Variants in PPM1D observed in about 807,000 individuals in gnomAD.
The protein encoded by PPM1D is protein phosphatase 1D.
Under a neutral mutation model 58.3 loss-of-function variants are expected in PPM1D, and 52 were observed. The observed-to-expected ratio is 0.89, with a 90% CI of 0.71 to 1.12. The LOEUF (loss-of-function observed/expected upper bound fraction) is 1.12, where lower values mean the gene tolerates loss of function less well. Ranked by LOEUF, PPM1D falls within the 50% of genes most tolerant of loss-of-function variation. The pLI, the probability that PPM1D is intolerant of heterozygous loss-of-function variation, is 0.00. For missense variants in PPM1D, 564 were observed against 777.2 expected (o/e 0.73, Z 3.26); for synonymous variants, 278 against 285.1 (o/e 0.98, Z 0.25).
In PPM1D at chr17:60,601,026, C is replaced by T. The variant is rs2030198110; in HGVS notation, c.472+140C>T. 5 of 1,287,484 alleles carry T rather than the reference C, an allele frequency of 3.9e-6. No homozygotes were observed. The South Asian group carries it at 7.4e-5, about 19-fold the overall frequency. The allele number at this position is 1,287,484 out of a possible 1,614,324, so 79.8% of individuals were successfully genotyped here. Reference sequence around the variant, plus strand: ...TGGAAGTGACTAAAAGCTGTAATAGCGCTTTGCTGGGTGGAGGTCCGGGCA... The same window carrying T: ...TGGAAGTGACTAAAAGCTGTAATAGTGCTTTGCTGGGTGGAGGTCCGGGCA... On this transcript the variant is annotated intron_variant, in intron 1 of 5. Transcript: ENST00000305921.
intron 3 of PPM1D, among the ~76,000 whole-genome samples, chr17:60,645,498 G>GTATATA (rs372803601): frequency 7.7e-6 from 1 of 130,220 alleles, no homozygotes; most frequent in Non-Finnish European, 1.6e-5. Context: ...GTGTGTATGT[G>GTATATA]TATATATATA....
At chr17:60,609,609 G>C (rs2030412426) in intron 1 of PPM1D, among the ~76,000 whole-genome samples, 1 of 152,130 alleles carries the variant, frequency 6.6e-6, no homozygotes, top group Admixed American at 6.6e-5. Context: ...AGCCCTGGAT[G>C]TTAATCATTT....
intron 3 of PPM1D, among the ~76,000 whole-genome samples, chr17:60,645,495 T>TA (rs1491098416): frequency 1.4e-5 from 2 of 140,220 alleles, no homozygotes; most frequent in African/African-American, 5.6e-5. Context: ...TGTGTGTGTA[T>TA]GTGTATATAT....
At chr17:60,661,219 C>CAAAAAAAA in intron 5 of PPM1D, among the ~76,000 whole-genome samples, 1 of 48,980 alleles carries the variant, frequency 2.0e-5, no homozygotes, top group African/African-American at 5.9e-5. Context: ...AACTCCATCT[C>CAAAAAAAA]AAAAAAAAAA....
intron 4 of PPM1D, among the ~76,000 whole-genome samples, chr17:60,649,802 T>C (rs996413232): frequency 4.6e-5 from 7 of 152,198 alleles, no homozygotes; most frequent in Non-Finnish European, 5.9e-5. Context: ...CATATTATTA[T>C]AAATAGAATA....
At chr17:60,639,350 G>A (rs942302614) in intron 3 of PPM1D, among the ~76,000 whole-genome samples, 3 of 152,106 alleles carry the variant, frequency 2.0e-5, no homozygotes, top group African/African-American at 7.2e-5. Flanking sequence ...AACCTCAGGT[G>A]ATCTACCCGC....
chr17:60,642,413 T>A (rs1034800486), intron 3 of PPM1D, among the ~76,000 whole-genome samples: 1 of 150,826 alleles, frequency 6.6e-6, no homozygotes, highest in Non-Finnish European at 1.5e-5. Context: ...GAACGATTTG[T>A]GAATTGGGTA....
intron 4 of PPM1D, among the ~76,000 whole-genome samples, chr17:60,649,716 C>T (rs1285499055): frequency 6.6e-6 from 1 of 152,038 alleles, no homozygotes; most frequent in Non-Finnish European, 1.5e-5. Context: ...TCCATTCATT[C>T]ACTCAATTAA....
intron 2 of PPM1D, among the ~76,000 whole-genome samples, chr17:60,630,749 C>T (rs928644347): frequency 3.3e-5 from 5 of 152,264 alleles, no homozygotes; most frequent in Admixed American, 6.5e-5. Context: ...TATTAAGTGT[C>T]GAGAGAGCTG....
intron 1 of PPM1D, among the ~76,000 whole-genome samples, chr17:60,614,058 G>T (rs910978897): frequency 1.3e-5 from 2 of 152,144 alleles, no homozygotes; most frequent in Admixed American, 6.5e-5. Flanking sequence ...AGCTCCACCT[G>T]CGGCCCCGGT....
intron 5 of PPM1D, 200 bp downstream of exon 5, chr17:60,657,041 A>AG (rs2031455408): frequency 6.8e-7 from 1 of 1,480,644 alleles, no homozygotes; most frequent in Non-Finnish European, 8.9e-7. Context: ...ACTAATAAAA[A>AG]GGTGATTGTG....
At chr17:60,646,079 G>T (rs2031246247) in intron 3 of PPM1D, among the ~76,000 whole-genome samples, 1 of 152,104 alleles carries the variant, frequency 6.6e-6, no homozygotes, top group Non-Finnish European at 1.5e-5. Flanking sequence ...GATCTATCCT[G>T]CAGTGAGCCA....
Position 60,656,702 on chromosome 17 carries a change from G to T in PPM1D, c.1121G>T (p.Cys374Phe). 1 of 1,614,178 alleles carries T rather than the reference G, an allele frequency of 6.2e-7. No individual in the cohort carries two copies. The highest frequency in any genetic ancestry group is 8.5e-7 in the Non-Finnish European group (1 of 1,180,024). The change falls in exon 5 of 6, where the codon TGC (cysteine) becomes TTC (phenylalanine). Residue 374 changes from cysteine to phenylalanine, a missense_variant. Physicochemically the swap from Cys to Phe is radical, Grantham distance 205. This residue lies in a region of PPM1D where 18 missense variants were observed against 43.9 expected (regional missense o/e 0.41). Coordinates refer to ENST00000305921, the MANE Select transcript of PPM1D (RefSeq NM_003620.4). ...GATAACACTAGTGCCATAGTAATCT[G>T]CATCTCTCCAGAAGTGGACAATCAG... The part of the protein sequence containing the change: ...RADNTSAIVI[C>F]ISPEVDNQGN...
chr17:60,635,078 C>CTATATATACAAATAAT, intron 3 of PPM1D, among the ~76,000 whole-genome samples: 1 of 152,132 alleles, frequency 6.6e-6, no homozygotes, highest in South Asian at 2.1e-4. Context: ...AGCACAACTA[C>CTATATATACAAATAAT]TATATATATT....
intron 1 of PPM1D, among the ~76,000 whole-genome samples, chr17:60,612,513 G>A (rs1233304553): frequency 1.3e-5 from 2 of 152,338 alleles, no homozygotes; most frequent in Non-Finnish European, 2.9e-5. Flanking sequence ...TCGTAGTTAT[G>A]TAGGAGACTG....
intron 1 of PPM1D, among the ~76,000 whole-genome samples, chr17:60,621,179 T>C (rs1055299236): frequency 6.6e-6 from 1 of 152,168 alleles, no homozygotes; most frequent in African/African-American, 2.4e-5. Context: ...CACCTTGGCC[T>C]CCCAAAGTGC....
chr17:60,630,259 G>A (rs1381940060), intron 2 of PPM1D, among the ~76,000 whole-genome samples: 4 of 151,900 alleles, frequency 2.6e-5, no homozygotes, highest in African/African-American at 9.7e-5. Context: ...TTACCCTTTT[G>A]TGTTTTAAAA....
rs544929472 is a variant in PPM1D at position 60,655,633 on chromosome 17, C to T, written c.1018-966C>T. 2.0e-5 allele frequency among the ~76,000 whole-genome samples: 3 copies of T among 152,174 alleles called. No homozygotes were observed. The South Asian group carries it at 6.2e-4, about 32-fold the overall frequency. On this transcript the variant is annotated intron_variant, in intron 4 of 5. Coordinates refer to ENST00000305921, the MANE Select transcript of PPM1D (RefSeq NM_003620.4). ...AAGTACTGGGATTAAAGGCGTGAGC[C>T]ACCACACCTGGCTACTTTCTTTTTA...
rs1453254012 is a variant in PPM1D, at chr17:60,600,242, A to G, written c.-173A>G. ...TCTGCTCGCTCCGGCGCTCCGGCCC[A>G]GCTCTCGCGGACAAGTCCAGACATC... On this transcript the variant is annotated 5_prime_UTR_variant, in exon 1 of 6. Transcript: ENST00000305921. 1.6e-5 allele frequency: 21 copies of G among 1,306,268 alleles called. No individual in the cohort carries two copies. In the East Asian group the frequency reaches 4.5e-4, roughly 28 times the overall value. The allele number at this position is 1,306,268 out of a possible 1,614,324, so 80.9% of individuals were successfully genotyped here.
Sources: allele counts gnomAD v4.1 joint callset (sites outside exome capture counted in the v4.1 genomes callset), GRCh38; gene constraint gnomAD v4.1.1; regional missense constraint gnomAD v4.1.1; transcripts MANE v1.5; gene names NCBI Gene and HGNC (gene_info 2026-07-23, HGNC 2026-07-21).